SERP2: variants seen among roughly 807,000 people sequenced by gnomAD.
The protein encoded by SERP2 is stress-associated endoplasmic reticulum protein 2.
A neutral mutation model predicts 9.1 loss-of-function variants in SERP2; 6 were observed. The ratio of observed to expected loss-of-function variants is 0.66; its 90% CI spans 0.36 to 1.30. The LOEUF (loss-of-function observed/expected upper bound fraction) is 1.30. Among genes scored for constraint, SERP2 ranks in the 50% most tolerant of loss-of-function variants. SERP2 has a pLI of 0.03. For synonymous variants in SERP2, 37 were observed against 27.3 expected (o/e 1.35, Z -1.10); for missense variants, 58 against 81.9 (o/e 0.71, Z 1.13).
intron 1 of SERP2, among the ~76,000 whole-genome samples, chr13:44,377,848 T>C (rs1871750935): frequency 6.6e-6 from 1 of 152,268 alleles, no homozygotes; most frequent in African/African-American, 2.4e-5. Flanking sequence ...GATGAACGTT[T>C]ATTATCTCCT....
At chr13:44,381,414 C>T (rs763423462) in intron 2 of SERP2, among the ~76,000 whole-genome samples, 11 of 151,016 alleles carry the variant, frequency 7.3e-5, no homozygotes, top group East Asian at 5.9e-4. Flanking sequence ...TGGTGGCACG[C>T]GCCTGTAGTC....
Position 44,393,472 on chromosome 13 carries a change from G to C in SERP2, c.158-3800G>C, listed in dbSNP as rs115090362. Among the ~76,000 whole-genome samples, 958 of 152,246 alleles carry C rather than the reference G, an allele frequency of 6.3e-3. 13 individuals carry two copies. Among genetic ancestry groups the C allele is most frequent in the African/African-American group, 0.021 (886 of 41,526 alleles). On this transcript the variant is annotated intron_variant, in intron 2 of 2. Transcript: ENST00000379179. ...AGGATGCAGAGGCTTCGTGGGTCTG[G>C]TAGCTCCTGCTCTCCCCTGGACTTT...
At chr13:44,381,711 C>T (rs182628364) in intron 2 of SERP2, among the ~76,000 whole-genome samples, 6 of 152,324 alleles carry the variant, frequency 3.9e-5, no homozygotes, top group South Asian at 2.1e-4. Context: ...CCTTGACTCA[C>T]GTCTAGCTGA....
upstream of SERP2, chr13:44,373,810 T>A (rs1288100991): frequency 2.0e-6 from 1 of 504,498 alleles, no homozygotes; most frequent in African/African-American, 2.1e-5. This position sits in a 1 kb window ranked among gnomAD's most constrained non-coding sequence, Gnocchi z 4.8. Flanking sequence ...AAGGGTTTCC[T>A]GAGATGAGAG....
intron 2 of SERP2, among the ~76,000 whole-genome samples, chr13:44,397,020 C>T (rs1873144217): frequency 6.6e-6 from 1 of 152,224 alleles, no homozygotes. Context: ...GGATTTCTGG[C>T]CTTAACTGCT....
chr13:44,377,844 C>A (rs917857659), intron 1 of SERP2, among the ~76,000 whole-genome samples: 1 of 152,198 alleles, frequency 6.6e-6, no homozygotes, highest in African/African-American at 2.4e-5. Context: ...CTTTGATGAA[C>A]GTTTATTATC....
At chr13:44,385,403 C>A (rs1228045524) in intron 2 of SERP2, among the ~76,000 whole-genome samples, 1 of 152,262 alleles carries the variant, frequency 6.6e-6, no homozygotes, top group African/African-American at 2.4e-5. Flanking sequence ...CAGATGGGAG[C>A]AACAGACCTC....
chr13:44,391,022 C>G (rs1228542004), intron 2 of SERP2: 2 of 152,228 alleles, frequency 1.3e-5, no homozygotes, highest in East Asian at 3.8e-4. Context: ...CTCTTAATCT[C>G]TCTTCTCAGC....
intron 2 of SERP2, chr13:44,390,296 T>TCACC: frequency 1.6e-5 from 3 of 188,776 alleles, no homozygotes; most frequent in Admixed American, 1.4e-4. Context: ...GCCACCGGTG[T>TCACC]CCCCACCCAC....
chr13:44,374,090 G>T lies in SERP2; in HGVS notation c.65G>T (p.Gly22Val), dbSNP rs1199611827. ...CACAGCAAAAACATCACCCAGAGGG[G>T]GAACGTAGCCAAAACCCTGGTAAGG... ...EKHSKNITQR[G>V]NVAKTLRPQE... The change falls in exon 1 of 3, where the codon GGG becomes GTG. Residue 22 changes from glycine to valine, a missense_variant. By Grantham distance (109) the Gly-to-Val change is moderately radical (BLOSUM62 -3). Coordinates refer to ENST00000379179, the MANE Select transcript of SERP2 (RefSeq NM_001010897.3). The T allele has an allele frequency of 2.5e-6, 4 of 1,579,264 alleles. No individual in the cohort carries two copies. In the East Asian group the frequency reaches 1.0e-4, roughly 40 times the overall value.
intron 1 of SERP2, among the ~76,000 whole-genome samples, chr13:44,377,318 A>G (rs1871715021): frequency 6.6e-6 from 1 of 152,112 alleles, no homozygotes; most frequent in Admixed American, 6.5e-5. Flanking sequence ...AATAGAGATA[A>G]AATGAATTTT....
intron 2 of SERP2, among the ~76,000 whole-genome samples, chr13:44,380,964 A>C (rs186587524): frequency 6.6e-6 from 1 of 152,308 alleles, no homozygotes; most frequent in African/African-American, 2.4e-5. Flanking sequence ...GAATCATCAG[A>C]TATTTTAAAG....
chr13:44,376,520 A>C (rs1225731947), intron 1 of SERP2, among the ~76,000 whole-genome samples: 2 of 152,156 alleles, frequency 1.3e-5, no homozygotes, highest in Admixed American at 6.5e-5. Flanking sequence ...ACTTTCTGTA[A>C]TCTCAGCACT....
At chr13:44,385,102 TTC>T (rs1872237042) in intron 2 of SERP2, among the ~76,000 whole-genome samples, 1 of 152,224 alleles carries the variant, frequency 6.6e-6, no homozygotes, top group African/African-American at 2.4e-5. Flanking sequence ...TGGTCACCCT[TTC>T]TCTGTTTTAT....
At chr13:44,388,201 AGC>A (rs1872428062) in intron 2 of SERP2, among the ~76,000 whole-genome samples, 1 of 151,872 alleles carries the variant, frequency 6.6e-6, no homozygotes, top group Admixed American at 6.6e-5. Flanking sequence ...ATGAAACAGC[AGC>A]TGTTCTGGTT....
chr13:44,390,421 A>G (rs910057043), intron 2 of SERP2: 16 of 456,348 alleles, frequency 3.5e-5, no homozygotes, highest in Middle Eastern at 3.2e-4. Flanking sequence ...TAACATCCAG[A>G]GGGAGTCACC....
intron 2 of SERP2, among the ~76,000 whole-genome samples, chr13:44,382,436 C>CAAAAAAAAAAAAAAAAAAAA (rs71202274): frequency 2.2e-5 from 1 of 45,664 alleles, no homozygotes; most frequent in Non-Finnish European, 3.8e-5. Flanking sequence ...GACTCCGTCT[C>CAAAAAAAAAAAAAAAAAAAA]AAAAAAAAAA....
Position 44,386,243 on chromosome 13 carries a change from C to T in SERP2, c.157+6530C>T, listed in dbSNP as rs116474318. ...GTGAGTTTCATTTCCTTAAAGCAAC[C>T]CCAATCCACCACTCTTTTGCTGTAA... On this transcript the variant is annotated intron_variant, in intron 2 of 2. Coordinates refer to ENST00000379179, the MANE Select transcript of SERP2 (RefSeq NM_001010897.3). 5.3e-3 allele frequency among the ~76,000 whole-genome samples: 802 copies of T among 152,282 alleles called. 11 individuals are homozygous for T. The highest frequency in any genetic ancestry group is 0.018 in the African/African-American group (762 of 41,564).
intron 2 of SERP2, among the ~76,000 whole-genome samples, chr13:44,389,175 T>C (rs984680906): frequency 2.0e-5 from 3 of 152,184 alleles, no homozygotes; most frequent in African/African-American, 4.8e-5. Flanking sequence ...TTGTGGCGTA[T>C]TGGGTGAAAG....
Sources: allele counts gnomAD v4.1 joint callset (sites outside exome capture counted in the v4.1 genomes callset), GRCh38; gene constraint gnomAD v4.1.1; non-coding constraint Gnocchi (gnomAD v3.1); transcripts MANE v1.5; gene names NCBI Gene and HGNC (gene_info 2026-07-23, HGNC 2026-07-21).